THRB: variants seen among roughly 807,000 people sequenced by gnomAD.
THRB encodes nuclear receptor subfamily 1 group A member 2.
A neutral mutation model predicts 47.8 loss-of-function variants in THRB; 12 were observed. The observed-to-expected ratio is 0.25, with a 90% CI of 0.16 to 0.41. The LOEUF (loss-of-function observed/expected upper bound fraction) is 0.41, where lower values mean the gene tolerates loss of function less well. THRB is among the 10% of genes least tolerant of loss of function. The pLI, the probability that THRB is intolerant of heterozygous loss-of-function variation, is 1.00. For missense variants in THRB, 348 were observed against 589.2 expected (o/e 0.59, Z 4.24); for synonymous variants, 218 against 212.2 (o/e 1.03, Z -0.24).
intron 1 of THRB, among the ~76,000 whole-genome samples, chr3:24,454,835 G>A (rs955554658): frequency 6.6e-6 from 1 of 152,006 alleles, no homozygotes; most frequent in Non-Finnish European, 1.5e-5. Context: ...AAACATACTC[G>A]GAAAGAATAA....
intron 3 of THRB, among the ~76,000 whole-genome samples, chr3:24,250,446 C>CA (rs2050550258): frequency 6.6e-6 from 1 of 152,128 alleles, no homozygotes. Context: ...CCTGTAATCC[C>CA]AGCACTTTGG....
chr3:24,231,516 T>C (rs952821819), intron 3 of THRB, among the ~76,000 whole-genome samples: 7 of 152,186 alleles, frequency 4.6e-5, no homozygotes, highest in Non-Finnish European at 4.4e-5. Flanking sequence ...ATTTTAGTGT[T>C]ACTGTTACTA....
chr3:24,252,759 T>C (rs1325789283), intron 3 of THRB, among the ~76,000 whole-genome samples: 2 of 152,048 alleles, frequency 1.3e-5, no homozygotes, highest in Non-Finnish European at 2.9e-5. Context: ...TATAGAATAA[T>C]ATGAAATAAT....
chr3:24,196,836 C>T (rs1343939491), intron 4 of THRB, among the ~76,000 whole-genome samples: 2 of 152,188 alleles, frequency 1.3e-5, no homozygotes, highest in African/African-American at 4.8e-5. Context: ...TTTTATCTGG[C>T]TTGATTAGCT....
At chr3:24,283,646 C>A (rs1050720009) in intron 3 of THRB, among the ~76,000 whole-genome samples, 5 of 133,040 alleles carry the variant, frequency 3.8e-5, no homozygotes, top group African/African-American at 1.5e-4. Context: ...GTCAAATTGT[C>A]CCTGTTTGCA....
chr3:24,357,346 CAAAAAAAAA>C (rs781709724), intron 1 of THRB, among the ~76,000 whole-genome samples: 3 of 28,714 alleles, frequency 1.0e-4, no homozygotes, highest in Non-Finnish European at 1.3e-4. Flanking sequence ...TTGTCTCTCC[CAAAAAAAAA>C]AAAAAAAAAA....
intron 1 of THRB, among the ~76,000 whole-genome samples, chr3:24,357,168 T>G (rs1235759916): frequency 1.3e-5 from 2 of 149,934 alleles, no homozygotes; most frequent in African/African-American, 4.9e-5. Context: ...TTTTTTTTTG[T>G]CCCCCAAAAT....
At chr3:24,438,506 G>GGTGTGT (rs145050133) in intron 1 of THRB, among the ~76,000 whole-genome samples, 12,184 of 145,742 alleles carry the variant, frequency 0.084, 574 homozygotes, top group South Asian at 0.14. Flanking sequence ...AGAACAAAAA[G>GGTGTGT]GTGTGTGTGT....
intron 2 of THRB, among the ~76,000 whole-genome samples, chr3:24,328,958 T>TC (rs1434301493): frequency 6.6e-6 from 1 of 152,116 alleles, no homozygotes; most frequent in Non-Finnish European, 1.5e-5. Context: ...CTTTTTTTTT[T>TC]CTTTTTGAGA....
At chr3:24,264,882 C>T (rs532608322) in intron 3 of THRB, among the ~76,000 whole-genome samples, 1 of 151,938 alleles carries the variant, frequency 6.6e-6, no homozygotes, top group African/African-American at 2.4e-5. Context: ...CAGAGGGCCC[C>T]AGAACCGTAG....
chr3:24,287,752 A>T (rs2055472115), intron 3 of THRB, among the ~76,000 whole-genome samples: 1 of 152,176 alleles, frequency 6.6e-6, no homozygotes, highest in South Asian at 2.1e-4. Flanking sequence ...GCAGAACCTG[A>T]TGTTGCATTG....
intron 1 of THRB, among the ~76,000 whole-genome samples, chr3:24,342,066 T>G (rs1357664992): frequency 6.6e-6 from 1 of 152,058 alleles, no homozygotes; most frequent in Non-Finnish European, 1.5e-5. Flanking sequence ...AAACTATGTT[T>G]TGTGGTAATT....
intron 3 of THRB, among the ~76,000 whole-genome samples, chr3:24,288,465 A>G (rs1312651687): frequency 2.0e-5 from 3 of 152,228 alleles, no homozygotes; most frequent in South Asian, 2.1e-4. Context: ...TTCTGTGAGT[A>G]TGTGACTGCT....
intron 2 of THRB, among the ~76,000 whole-genome samples, chr3:24,327,159 A>G (rs2061650472): frequency 6.6e-6 from 1 of 152,188 alleles, no homozygotes; most frequent in South Asian, 2.1e-4. Context: ...CAATTACAAA[A>G]ACTTGTGTTT....
chr3:24,174,800 G>A (rs2040920118), intron 5 of THRB, among the ~76,000 whole-genome samples: 1 of 152,120 alleles, frequency 6.6e-6, no homozygotes, highest in Non-Finnish European at 1.5e-5. Flanking sequence ...CAGCAATCCT[G>A]CTTGTAGACA....
chr3:24,360,390 C>G (rs1482881947), intron 1 of THRB, among the ~76,000 whole-genome samples: 1 of 152,144 alleles, frequency 6.6e-6, no homozygotes, highest in Non-Finnish European at 1.5e-5. Flanking sequence ...GTTAGAAATG[C>G]AGAACCTCAG....
At chr3:24,177,471 T>C (rs573440722) in intron 5 of THRB, among the ~76,000 whole-genome samples, 3 of 152,198 alleles carry the variant, frequency 2.0e-5, no homozygotes, top group South Asian at 2.1e-4. Flanking sequence ...ATTTAAAACA[T>C]TGTCAGTATA....
chr3:24,411,329 G>A (rs1431974595), intron 1 of THRB, among the ~76,000 whole-genome samples: 66 of 151,604 alleles, frequency 4.4e-4, no homozygotes, highest in Non-Finnish European at 1.5e-5. Context: ...TTATCAAATC[G>A]ACAACTTTTC....
At chr3:24,269,400 C>CGT (rs2053052541) in intron 3 of THRB, among the ~76,000 whole-genome samples, 1 of 52,628 alleles carries the variant, frequency 1.9e-5, no homozygotes, top group Admixed American at 1.6e-4. Context: ...CGCGCGCGCG[C>CGT]GCGCACACAC....
Sources: allele counts gnomAD v4.1 joint callset (sites outside exome capture counted in the v4.1 genomes callset), GRCh38; gene constraint gnomAD v4.1.1; transcripts MANE v1.5; gene names NCBI Gene and HGNC (gene_info 2026-07-23, HGNC 2026-07-21).